The following THRB variants were observed in gnomAD, a reference collection of about 807,000 sequenced individuals.
THRB encodes nuclear receptor subfamily 1 group A member 2.
In THRB, 12 loss-of-function variants were observed where a neutral mutation model predicts 47.8. That is an observed-to-expected ratio of 0.25 (90% CI 0.16 to 0.41). THRB has a LOEUF of 0.41. Among genes scored for constraint, THRB ranks in the 10% least tolerant of loss-of-function variants. The pLI is 1.00. For missense variants in THRB, 348 were observed against 589.2 expected (o/e 0.59, Z 4.24); for synonymous variants, 218 against 212.2 (o/e 1.03, Z -0.24).
At chr3:24,307,474 T>C (rs2057435938) in intron 2 of THRB, among the ~76,000 whole-genome samples, 1 of 152,182 alleles carries the variant, frequency 6.6e-6, no homozygotes. Context: ...TTTCCCACGC[T>C]ATAACCTCTT....
At chr3:24,128,181 C>T (rs1392312039) in intron 9 of THRB, among the ~76,000 whole-genome samples, 3 of 152,182 alleles carry the variant, frequency 2.0e-5, no homozygotes, top group Non-Finnish European at 4.4e-5. Flanking sequence ...GCTTACCCTA[C>T]TGTTTAGCTG....
upstream of THRB, chr3:24,495,547 GGGTTT>G (rs1378943976): frequency 1.3e-5 from 2 of 152,464 alleles, no homozygotes; most frequent in African/African-American, 4.8e-5. Context: ...ACGGTGCTGT[GGGTTT>G]GGTGGCCGCG....
At chr3:24,387,965 C>G (rs1189483294) in intron 1 of THRB, among the ~76,000 whole-genome samples, 1 of 152,044 alleles carries the variant, frequency 6.6e-6, no homozygotes, top group Non-Finnish European at 1.5e-5. Context: ...TGATTGCAAC[C>G]TCATCCTTGT....
chr3:24,217,518 G>C (rs968839402), intron 4 of THRB, among the ~76,000 whole-genome samples: 1 of 151,860 alleles, frequency 6.6e-6, no homozygotes, highest in Non-Finnish European at 1.5e-5. Flanking sequence ...CGGGGTTCAA[G>C]GGACGTGTGT....
At chr3:24,251,930 C>T (rs1231879172) in intron 3 of THRB, among the ~76,000 whole-genome samples, 1 of 152,000 alleles carries the variant, frequency 6.6e-6, no homozygotes, top group Non-Finnish European at 1.5e-5. Context: ...CAGCAAATGA[C>T]TCTTGGAAAA....
At chr3:24,376,099 T>C (rs1373571707) in intron 1 of THRB, among the ~76,000 whole-genome samples, 3 of 152,126 alleles carry the variant, frequency 2.0e-5, no homozygotes, top group Non-Finnish European at 4.4e-5. Flanking sequence ...TGGCGAGTGA[T>C]CAAATTTATG....
At chr3:24,460,612 T>C (rs776850875) in intron 1 of THRB, among the ~76,000 whole-genome samples, 6 of 152,206 alleles carry the variant, frequency 3.9e-5, no homozygotes, top group Non-Finnish European at 8.8e-5. Context: ...TTGGCTATCT[T>C]GAGAATTATT....
chr3:24,453,604 C>G (rs77880956), intron 1 of THRB, among the ~76,000 whole-genome samples: 2 of 152,180 alleles, frequency 1.3e-5, no homozygotes, highest in African/African-American at 4.8e-5. Context: ...CTTCATGAAA[C>G]AGCTAGCAGG....
intron 5 of THRB, among the ~76,000 whole-genome samples, chr3:24,164,034 T>A (rs1332489768): frequency 1.3e-5 from 2 of 152,134 alleles, no homozygotes; most frequent in Non-Finnish European, 2.9e-5. Flanking sequence ...GCATCATGTT[T>A]TTGTAAATTA....
At chr3:24,151,755 T>C (rs1209985036) in intron 6 of THRB, among the ~76,000 whole-genome samples, 1 of 152,234 alleles carries the variant, frequency 6.6e-6, no homozygotes, top group Admixed American at 6.5e-5. Context: ...AGGAAGTGAA[T>C]GGACTGATCA....
At position 24,261,149 on chromosome 3, in the gene THRB, G is replaced by A. The variant is rs1168299249; in HGVS notation, c.-42-32148C>T. On this transcript the variant is annotated intron_variant, in intron 3 of 10. Transcript: ENST00000646209. ...CCTTTACCTCTTGCCTCATTACTTG[G>A]CCCTTCTTTACTTGGCCATCCTGTC... Among the ~76,000 whole-genome samples, 4 of 152,210 alleles carry A rather than the reference G, an allele frequency of 2.6e-5. No individual in the cohort carries two copies. In the East Asian group the frequency reaches 7.7e-4, roughly 29 times the overall value.
intron 5 of THRB, among the ~76,000 whole-genome samples, chr3:24,160,827 A>C (rs373576370): frequency 1.2e-4 from 18 of 152,182 alleles, no homozygotes; most frequent in African/African-American, 4.3e-4. Context: ...GAGGTGGTGG[A>C]TATGAACTCC....
At chr3:24,449,920 C>T (rs138725149) in intron 1 of THRB, among the ~76,000 whole-genome samples, 1 of 151,666 alleles carries the variant, frequency 6.6e-6, no homozygotes, top group East Asian at 1.9e-4. Context: ...ATCATAGAGG[C>T]AGAAATGAGA....
intron 2 of THRB, among the ~76,000 whole-genome samples, chr3:24,310,818 A>G (rs746053238): frequency 1.4e-4 from 21 of 152,146 alleles, no homozygotes; most frequent in Non-Finnish European, 2.5e-4. Context: ...ATTCCCCACC[A>G]CAAATAATTA....
chr3:24,316,805 T>C (rs2058146656), intron 2 of THRB, among the ~76,000 whole-genome samples: 1 of 152,036 alleles, frequency 6.6e-6, no homozygotes, highest in African/African-American at 2.4e-5. Context: ...CAGCACACCT[T>C]AAAACATCCT....
At chr3:24,276,961 T>TA (rs112186655) in intron 3 of THRB, among the ~76,000 whole-genome samples, 8,181 of 152,268 alleles carry the variant, frequency 0.054, 709 homozygotes, top group African/African-American at 0.18. Flanking sequence ...AACTTCAAAA[T>TA]AAAAAACTAC....
intron 4 of THRB, among the ~76,000 whole-genome samples, chr3:24,207,188 A>G (rs192534807): frequency 6.6e-6 from 1 of 152,316 alleles, no homozygotes; most frequent in East Asian, 1.9e-4. Context: ...CCGAGACACA[A>G]CAAAAAAAGA....
intron 1 of THRB, among the ~76,000 whole-genome samples, chr3:24,387,404 T>C (rs1275713060): frequency 3.9e-5 from 6 of 152,174 alleles, no homozygotes; most frequent in African/African-American, 1.2e-4. Flanking sequence ...TCCAGCCCAG[T>C]TGGCATTACT....
At chr3:24,231,990 G>A (rs996764503) in intron 3 of THRB, among the ~76,000 whole-genome samples, 2 of 152,178 alleles carry the variant, frequency 1.3e-5, no homozygotes, top group African/African-American at 4.8e-5. Flanking sequence ...GGGTGGCTAC[G>A]CTAATGAAGG....
Sources: allele counts gnomAD v4.1 joint callset (sites outside exome capture counted in the v4.1 genomes callset), GRCh38; gene constraint gnomAD v4.1.1; transcripts MANE v1.5; gene names NCBI Gene and HGNC (gene_info 2026-07-23, HGNC 2026-07-21).